Variants in PPP2R2C observed in about 807,000 individuals in gnomAD.
PPP2R2C encodes protein phosphatase 2 regulatory subunit Bgamma.
PPP2R2C carries 10 observed loss-of-function variants against 45.3 expected under a neutral mutation model. The observed-to-expected ratio is 0.22, with a 90% CI of 0.14 to 0.37. PPP2R2C has a LOEUF of 0.37. Among genes scored for constraint, PPP2R2C ranks in the 10% least tolerant of loss-of-function variants. The pLI is 1.00. For synonymous variants in PPP2R2C, 257 were observed against 245.4 expected (o/e 1.05, Z -0.44); for missense variants, 308 against 619.7 (o/e 0.50, Z 5.34).
rs141843437 is a variant in PPP2R2C at position 6,324,466 on chromosome 4, C to T, written c.1053-873G>A. ...AAAGAAAAGAAAAGAAAAGACCCTC[C>T]TGTAATTTCTGTTAGTCCAGGAGAG... is the stretch of plus-strand genomic sequence containing the variant. On this transcript the variant is annotated intron_variant, in intron 8 of 8. Transcript: ENST00000382599. This position sits in a 1 kb window ranked among gnomAD's most constrained non-coding sequence, Gnocchi z 4.1. Among the ~76,000 whole-genome samples, 282 of 152,184 alleles carry T rather than the reference C, an allele frequency of 1.9e-3. No homozygotes were observed. The highest frequency in any genetic ancestry group is 6.4e-3 in the African/African-American group (267 of 41,514).
intron 2 of PPP2R2C, among the ~76,000 whole-genome samples, chr4:6,511,504 ATGGTGGTGGTGG>A (rs1268380529): frequency 0.018 from 176 of 9,616 alleles, 7 homozygotes; most frequent in African/African-American, 0.028. Flanking sequence ...GATGGCGGTG[ATGGTGGTGGTGG>A]TGGTGGTGAT....
At chr4:6,429,202 T>G (rs1208118487) in intron 1 of PPP2R2C, among the ~76,000 whole-genome samples, 2 of 152,190 alleles carry the variant, frequency 1.3e-5, no homozygotes, top group Non-Finnish European at 2.9e-5. Flanking sequence ...CCCCCTGTGG[T>G]ATACCATGTG....
chr4:6,497,923 A>T (rs182296115), intron 2 of PPP2R2C, among the ~76,000 whole-genome samples: 2 of 152,378 alleles, frequency 1.3e-5, no homozygotes, highest in African/African-American at 4.8e-5. Flanking sequence ...ATGAGAGACC[A>T]TTAGCAGTCA....
intron 1 of PPP2R2C, among the ~76,000 whole-genome samples, chr4:6,396,564 C>T (rs1191977602): frequency 2.0e-5 from 3 of 152,238 alleles, no homozygotes; most frequent in African/African-American, 4.8e-5. Flanking sequence ...AGGACAATGG[C>T]AATGGCCAGG....
chr4:6,491,704 T>C (rs927439457), intron 2 of PPP2R2C, among the ~76,000 whole-genome samples: 9 of 152,322 alleles, frequency 5.9e-5, no homozygotes, highest in Non-Finnish European at 1.5e-5. Flanking sequence ...GTTCTGGTGA[T>C]GCTGAGTGAG....
At position 6,507,504 on chromosome 4, in the gene PPP2R2C, A is replaced by ACT. The variant is rs1723277381; in HGVS notation, c.49+27765_49+27766dup. ...TAAAGAAGGTGGGCTACCCTACTAGACTCTCTATGTGTGGAGTGAGAGGCC... is the reference window on the plus strand; with the variant it reads ...TAAAGAAGGTGGGCTACCCTACTAGACTCTCTCTATGTGTGGAGTGAGAGGCC... On this transcript the variant is annotated intron_variant, in intron 2 of 9. Transcript: ENST00000506140. Among the ~76,000 whole-genome samples, 4 of 152,222 alleles carry ACT rather than the reference A, an allele frequency of 2.6e-5. No individual in the cohort carries two copies. In the South Asian group the frequency reaches 8.3e-4, roughly 32 times the overall value.
At chr4:6,447,419 T>C (rs1247704318) in intron 1 of PPP2R2C, among the ~76,000 whole-genome samples, 1 of 151,662 alleles carries the variant, frequency 6.6e-6, no homozygotes, top group African/African-American at 2.4e-5. Flanking sequence ...GAGGAAGAGC[T>C]CCGGATAAAT....
intron 1 of PPP2R2C, among the ~76,000 whole-genome samples, chr4:6,404,380 A>G (rs536275078): frequency 6.6e-6 from 1 of 152,130 alleles, no homozygotes; most frequent in South Asian, 2.1e-4. Context: ...AGATACTCCT[A>G]CCCTATCTCG....
At chr4:6,486,763 G>A (rs1473929264) in intron 2 of PPP2R2C, among the ~76,000 whole-genome samples, 2 of 151,976 alleles carry the variant, frequency 1.3e-5, no homozygotes, top group Admixed American at 1.3e-4. Context: ...TTGCATGTAG[G>A]CAGCATATAT....
In PPP2R2C at chr4:6,329,633, C is replaced by T. The variant is rs912935114; in HGVS notation, c.961-280G>A. 1.3e-4 allele frequency among the ~76,000 whole-genome samples: 17 copies of T among 132,372 alleles called. No individual in the cohort carries two copies. In the East Asian group the frequency reaches 2.9e-3, roughly 23 times the overall value. The allele number at this position is 132,372 out of a possible 152,430, so 86.8% of individuals were successfully genotyped here. A position where few individuals can be genotyped will look rare whatever the true frequency, so the allele number is the denominator to read the frequency against. On this transcript the variant is annotated intron_variant, in intron 7 of 8. Coordinates refer to ENST00000382599, the MANE Select transcript of PPP2R2C (RefSeq NM_020416.4). The surrounding 1 kb of genome is among the most constrained non-coding windows in gnomAD (Gnocchi z 5.8). The stretch of plus-strand genomic sequence containing the variant: ...GGGGGGCCCACGACCAGGCACACGG[C>T]TGACCTCCACCGTGACACAGCCCAA...
chr4:6,334,247 G>C (rs1177354364), intron 6 of PPP2R2C, among the ~76,000 whole-genome samples: 1 of 152,126 alleles, frequency 6.6e-6, no homozygotes, highest in Non-Finnish European at 1.5e-5. Context: ...CTTATAGGTG[G>C]GTTTTGTTTC....
intron 1 of PPP2R2C, among the ~76,000 whole-genome samples, chr4:6,556,186 A>G (rs918077119): frequency 3.3e-5 from 5 of 152,120 alleles, no homozygotes; most frequent in African/African-American, 1.2e-4. Flanking sequence ...CATCATTTCC[A>G]GGTGTGTCTG....
At chr4:6,491,596 G>C (rs1011018747) in intron 2 of PPP2R2C, among the ~76,000 whole-genome samples, 1 of 152,190 alleles carries the variant, frequency 6.6e-6, no homozygotes, top group African/African-American at 2.4e-5. Flanking sequence ...TTGGCTCTAT[G>C]TCCCCACCCA....
intron 2 of PPP2R2C, among the ~76,000 whole-genome samples, chr4:6,497,351 C>A (rs1486988321): frequency 2.0e-5 from 3 of 151,970 alleles, no homozygotes; most frequent in African/African-American, 4.8e-5. Context: ...GCCCACAGAA[C>A]AAAATGGAAT....
chr4:6,528,048 C>T lies in PPP2R2C; in HGVS notation c.49+7223G>A, dbSNP rs147794723. The stretch of plus-strand genomic sequence containing the variant: ...CGATGAAGAATCTCAGGACGGTGAG[C>T]GCAGAGCATCCACCCCAGTGGGCCC... On this transcript the variant is annotated intron_variant, in intron 2 of 9. Transcript: ENST00000506140. 1.0e-3 allele frequency among the ~76,000 whole-genome samples: 157 copies of T among 152,360 alleles called. 1 individual carries two copies. Among genetic ancestry groups the T allele is most frequent in the African/African-American group, 2.6e-3 (108 of 41,592 alleles).
At chr4:6,377,053 G>A (rs760565000) in intron 3 of PPP2R2C, among the ~76,000 whole-genome samples, 1 of 152,240 alleles carries the variant, frequency 6.6e-6, no homozygotes, top group Non-Finnish European at 1.5e-5. Context: ...ACCCAGCAAG[G>A]CTTATGGGAT....
Position 6,454,531 on chromosome 4 carries a change from G to A in PPP2R2C, c.70+17629C>T, listed in dbSNP as rs114839677. ...ACTCTCCCCACCCCGCAGAAAATGTGTGAGTGAGACCATCTCAGTCCCCCC... is the reference window on the plus strand; with the variant it reads ...ACTCTCCCCACCCCGCAGAAAATGTATGAGTGAGACCATCTCAGTCCCCCC... On this transcript the variant is annotated intron_variant, in intron 1 of 8. Transcript: ENST00000382599. 7.4e-3 allele frequency among the ~76,000 whole-genome samples: 1,123 copies of A among 152,274 alleles called. 9 individuals are homozygous for A. Among genetic ancestry groups the A allele is most frequent in the African/African-American group, 0.026 (1,077 of 41,558 alleles).
intron 5 of PPP2R2C, chr4:6,351,067 G>T: frequency 5.1e-6 from 5 of 973,806 alleles, no homozygotes; most frequent in Non-Finnish European, 6.1e-6. Context: ...CACTTTGGGA[G>T]GTCAAGGCGA....
intron 1 of PPP2R2C, among the ~76,000 whole-genome samples, chr4:6,387,493 G>C (rs971534161): frequency 6.6e-6 from 1 of 152,120 alleles, no homozygotes; most frequent in Non-Finnish European, 1.5e-5. Flanking sequence ...CCAGAATTCT[G>C]AATTCAGTCG....
Sources: allele counts gnomAD v4.1 joint callset (sites outside exome capture counted in the v4.1 genomes callset), GRCh38; gene constraint gnomAD v4.1.1; non-coding constraint Gnocchi (gnomAD v3.1); transcripts MANE v1.5; gene names NCBI Gene and HGNC (gene_info 2026-07-23, HGNC 2026-07-21).